The following GALNT1 variants were observed in gnomAD, a reference collection of about 807,000 sequenced individuals.
GALNT1 encodes polypeptide N-acetylgalactosaminyltransferase 1, also known as GalNAc transferase 1.
A neutral mutation model predicts 65.7 loss-of-function variants in GALNT1; 17 were observed. That is an observed-to-expected ratio of 0.26 (90% CI 0.18 to 0.39). The LOEUF (loss-of-function observed/expected upper bound fraction) is 0.39. Among genes scored for constraint, GALNT1 ranks in the 10% least tolerant of loss-of-function variants. GALNT1 has a pLI of 1.00. For missense variants in GALNT1, 460 were observed against 672.8 expected, an observed-to-expected ratio of 0.68 and a Z score of 3.50; for synonymous variants, 210 against 219.7, an observed-to-expected ratio of 0.96 and a Z score of 0.39.
In GALNT1 at chr18:35,709,725, C is replaced by T; in HGVS notation, c.1635C>T (p.Ser545=). 1 of 1,614,048 alleles carries T rather than the reference C, an allele frequency of 6.2e-7. No homozygotes were observed. Among genetic ancestry groups the T allele is most frequent in the Non-Finnish European group, 8.5e-7 (1 of 1,179,990 alleles). The change falls in exon 12 of 12, where the codon TCC becomes TCT. Residue 545 remains serine, a synonymous_variant. Transcript: ENST00000269195. ...PSIRDCNGSR[S]QQWLLRNVTL... is the part of the protein sequence containing the mutation. The stretch of plus-strand genomic sequence containing the variant: ...TTAGAGACTGCAATGGAAGTCGGTC[C>T]CAGCAGTGGCTTCTTCGAAACGTCA...
chr18:35,698,983 AAAATAAAAT>A (rs1296676100), intron 9 of GALNT1, among the ~76,000 whole-genome samples: 11 of 152,054 alleles, frequency 7.2e-5, no homozygotes, highest in Admixed American at 5.9e-4. Flanking sequence ...CTCTGTCTCA[AAAATAAAAT>A]AAATAAAATA....
In GALNT1 at chr18:35,663,652, A is replaced by T. The variant is rs1300195566; in HGVS notation, c.164A>T (p.His55Leu). ...GTTCTAGAGCCAGTACAAAAGCCTC[A>T]TGAAGGTCCTGGAGAAATGGGGAAA... ...GDVLEPVQKP[H>L]EGPGEMGKPV... Residue 55 changes from histidine to leucine, a missense_variant, in exon 3 of 12, where the codon CAT becomes CTT. His to Leu is a moderately conservative substitution (Grantham distance 99, BLOSUM62 -3). Transcript: ENST00000269195. The T allele has an allele frequency of 6.2e-7, 1 of 1,613,606 alleles. No individual in the cohort carries two copies.
chr18:35,636,573 A>G (rs1270820522), intron 1 of GALNT1, among the ~76,000 whole-genome samples: 2 of 152,150 alleles, frequency 1.3e-5, no homozygotes, highest in Non-Finnish European at 2.9e-5. Context: ...TGGAATGTGA[A>G]TGGCATGTCT....
At chr18:35,630,185 G>T (rs991533816) in intron 1 of GALNT1, among the ~76,000 whole-genome samples, 2 of 152,096 alleles carry the variant, frequency 1.3e-5, no homozygotes, top group African/African-American at 4.8e-5. Flanking sequence ...ATTGAACTCA[G>T]CTCTGCACCA....
chr18:35,648,589 T>C (rs767141821), intron 1 of GALNT1, among the ~76,000 whole-genome samples: 2 of 152,244 alleles, frequency 1.3e-5, no homozygotes, highest in African/African-American at 2.4e-5. Flanking sequence ...TTTTAACTTA[T>C]GTGGTTGGGA....
At chr18:35,620,431 T>C (rs1278974602) in intron 1 of GALNT1, among the ~76,000 whole-genome samples, 1 of 152,204 alleles carries the variant, frequency 6.6e-6, no homozygotes, top group Non-Finnish European at 1.5e-5. Flanking sequence ...GAGGAAACTA[T>C]TGAATGAACA....
chr18:35,644,138 C>G (rs1030758853), intron 1 of GALNT1, among the ~76,000 whole-genome samples: 1 of 152,114 alleles, frequency 6.6e-6, no homozygotes, highest in Non-Finnish European at 1.5e-5. Flanking sequence ...CTTCTGACCT[C>G]TAAACTTGAG....
At position 35,646,491 on chromosome 18, in the gene GALNT1, A is replaced by G. The variant is rs913189197; in HGVS notation, c.-103-8069A>G. 2.0e-5 allele frequency among the ~76,000 whole-genome samples: 3 copies of G among 152,230 alleles called. No individual in the cohort carries two copies. The East Asian group carries it at 5.8e-4, about 29-fold the overall frequency. ...GGGTCTCACTTTCATGCCTGGCAGC[A>G]TAATGTTGGTTGTAAGCAGGAGGCT... On this transcript the variant is annotated intron_variant, in intron 1 of 11. Transcript: ENST00000269195.
chr18:35,709,512 A>T, intron 11 of GALNT1, 112 bp from the exon 12 acceptor site: 1 of 997,522 alleles, frequency 1.0e-6, no homozygotes, highest in Non-Finnish European at 1.5e-6. Context: ...CTTTTAAATA[A>T]TGTATATTAC....
At chr18:35,589,159 A>G (rs780000634) in intron 1 of GALNT1, among the ~76,000 whole-genome samples, 14 of 152,136 alleles carry the variant, frequency 9.2e-5, no homozygotes, top group Non-Finnish European at 1.2e-4. Context: ...TCTTGACCCA[A>G]GAGGTACAGT....
Position 35,631,134 on chromosome 18 carries a change from G to A in GALNT1, c.-103-23426G>A, listed in dbSNP as rs549182547. Among the ~76,000 whole-genome samples, 49 of 152,274 alleles carry A rather than the reference G, an allele frequency of 3.2e-4. 1 individual carries two copies. The East Asian group carries it at 8.3e-3, about 26-fold the overall frequency. On this transcript the variant is annotated intron_variant, in intron 1 of 11. Coordinates refer to ENST00000269195, the MANE Select transcript of GALNT1 (RefSeq NM_020474.4). The stretch of plus-strand genomic sequence containing the variant: ...CATTCTACCAGAGGTACAAGGAGGA[G>A]CTGGTACCATTCCTTATGAAACTAT...
intron 1 of GALNT1, among the ~76,000 whole-genome samples, chr18:35,601,358 T>A (rs1428649855): frequency 6.6e-6 from 1 of 152,076 alleles, no homozygotes; most frequent in Non-Finnish European, 1.5e-5. Context: ...TTAGTCTACC[T>A]AAGGGTTTGT....
At chr18:35,633,525 C>G (rs959268801) in intron 1 of GALNT1, among the ~76,000 whole-genome samples, 1 of 135,676 alleles carries the variant, frequency 7.4e-6, no homozygotes, top group African/African-American at 2.8e-5. Flanking sequence ...AGGGGGACAT[C>G]ACACACTGGG....
chr18:35,684,070 G>T (rs1340124212), intron 5 of GALNT1, among the ~76,000 whole-genome samples: 2 of 152,224 alleles, frequency 1.3e-5, no homozygotes, highest in Non-Finnish European at 2.9e-5. Flanking sequence ...AATACAGGAA[G>T]AACAGTGGTG....
At chr18:35,601,611 C>T (rs1349167465) in intron 1 of GALNT1, among the ~76,000 whole-genome samples, 2 of 151,790 alleles carry the variant, frequency 1.3e-5, no homozygotes, top group African/African-American at 4.8e-5. Flanking sequence ...GTTGTGTATC[C>T]TCATTATTGA....
intron 2 of GALNT1, among the ~76,000 whole-genome samples, chr18:35,660,467 T>TTA (rs1218836391): frequency 8.5e-5 from 13 of 152,188 alleles, no homozygotes; most frequent in African/African-American, 3.1e-4. Flanking sequence ...ACATAATACT[T>TTA]TGGAATAACA....
intron 3 of GALNT1, among the ~76,000 whole-genome samples, chr18:35,671,647 AT>A (rs913171780): frequency 6.6e-6 from 1 of 151,840 alleles, no homozygotes; most frequent in Non-Finnish European, 1.5e-5. Flanking sequence ...TATCTTTTTC[AT>A]TTTTTTCCTC....
rs185992515 is a variant in GALNT1 at position 35,621,118 on chromosome 18, A to G, written c.-103-33442A>G. Reference sequence around the variant, plus strand: ...GTTCCATGTTTATGATTCTTTGTCTATGATTTGCCCGTTCATATCTTTGGC... The same window carrying G: ...GTTCCATGTTTATGATTCTTTGTCTGTGATTTGCCCGTTCATATCTTTGGC... On this transcript the variant is annotated intron_variant, in intron 1 of 11. Transcript: ENST00000269195. Among the ~76,000 whole-genome samples, 1,084 of 151,750 alleles carry G rather than the reference A, an allele frequency of 7.1e-3. 13 individuals are homozygous for G. Among genetic ancestry groups the G allele is most frequent in the African/African-American group, 0.024 (996 of 41,386 alleles).
At chr18:35,687,460 G>A (rs1308085078) in intron 6 of GALNT1, among the ~76,000 whole-genome samples, 1 of 152,106 alleles carries the variant, frequency 6.6e-6, no homozygotes, top group African/African-American at 2.4e-5. Context: ...TTTTGCAAAT[G>A]CGTCAGATCT....
Sources: gnomAD v4.1 joint callset for allele counts (sites outside exome capture counted in the v4.1 genomes callset) on GRCh38, gnomAD v4.1.1 for gene constraint, MANE v1.5 for transcripts, NCBI Gene and HGNC (gene_info 2026-07-23, HGNC 2026-07-21) for gene names.